The following KANK4 variants were observed in gnomAD, a reference collection of about 807,000 sequenced individuals.
The protein encoded by KANK4 is KN motif and ankyrin repeat domains 4, also known as KN motif and ankyrin repeat domain-containing protein 4.
KANK4 carries 50 observed loss-of-function variants against 80.8 expected under a neutral mutation model. The observed-to-expected ratio is 0.62, with a 90% CI of 0.49 to 0.78. The LOEUF is 0.78. Among genes scored for constraint, KANK4 ranks in the 30% least tolerant of loss-of-function variants. KANK4 has a pLI of 0.00. For missense variants in KANK4, 1,196 were observed against 1,240.1 expected (o/e 0.96, Z 0.53); for synonymous variants, 465 against 506.9 (o/e 0.92, Z 1.11).
At chr1:62,260,316 A>C (rs958981611) in intron 7 of KANK4, among the ~76,000 whole-genome samples, 5 of 148,862 alleles carry the variant, frequency 3.4e-5, no homozygotes, top group African/African-American at 1.2e-4. Flanking sequence ...GTCAGTCTCT[A>C]TCTCTTCCTT....
chr1:62,273,969 C>T lies in KANK4; in HGVS notation c.1135G>A (p.Ala379Thr), dbSNP rs757533237. ...AGCTCTCGAATTCTTTGCTCCCTAG[C>T]TTTGATTTCCTCTTCCTGCTGCTGG... ...ALQQQEEEIK[A>T]REQRIRELEF... The change falls in exon 3 of 10, where the codon GCT becomes ACT. Residue 379 changes from alanine (A) to threonine (T), a missense_variant. Physicochemically the swap from Ala to Thr is moderately conservative, Grantham distance 58. Transcript: ENST00000371153. 8.1e-6 allele frequency: 13 copies of T among 1,614,220 alleles called. No homozygotes were observed. In the Admixed American group the frequency reaches 1.7e-4, roughly 21 times the overall value.
intron 1 of KANK4, among the ~76,000 whole-genome samples, chr1:62,315,968 T>C (rs1397286470): frequency 1.3e-5 from 2 of 152,284 alleles, no homozygotes; most frequent in African/African-American, 4.8e-5. Flanking sequence ...CTCAATGCAG[T>C]TTCAAAGAAT....
rs1391942356 is a variant in KANK4, at chr1:62,319,335, C to T, written c.-300G>A. On this transcript the variant is annotated 5_prime_UTR_variant, in exon 1 of 10. Coordinates refer to ENST00000371153, the MANE Select transcript of KANK4 (RefSeq NM_181712.5). ...CCCCGGCGCACCCCTGCGGGCACACCCACCGCGGCGGATGCGGGACTGGCC... is the reference window on the plus strand; with the variant it reads ...CCCCGGCGCACCCCTGCGGGCACACTCACCGCGGCGGATGCGGGACTGGCC... 6.6e-6 allele frequency: 1 copy of T among 151,948 alleles called. No individual in the cohort carries two copies. The highest frequency in any genetic ancestry group is 1.5e-5 in the Non-Finnish European group (1 of 67,994). The allele number at this position is 151,948 out of a possible 1,614,324, so 9.4% of individuals were successfully genotyped here. A position where few individuals can be genotyped will look rare whatever the true frequency, so the allele number is the denominator to read the frequency against.
intron 1 of KANK4, among the ~76,000 whole-genome samples, chr1:62,311,387 A>T (rs1175531292): frequency 1.3e-5 from 2 of 152,104 alleles, no homozygotes; most frequent in Admixed American, 6.6e-5. Flanking sequence ...GGTGTCTGGC[A>T]CAAGTTCGAT....
At position 62,274,428 on chromosome 1, in the gene KANK4, C is replaced by G. The variant is rs757119605; in HGVS notation, c.676G>C (p.Glu226Gln). 2.2e-5 allele frequency: 35 copies of G among 1,614,234 alleles called. No homozygotes were observed. In the Admixed American group the frequency reaches 5.7e-4, roughly 26 times the overall value. ...SSPRASTRIP[E>Q]LVQEGAEPPE... ...GGCTCAGCTCCCTCCTGGACCAGCT[C>G]TGGAATCCGAGTTGATGCTCGTGGG... is the stretch of plus-strand genomic sequence containing the variant. The change falls in exon 3 of 10, where the codon GAG (glutamate) becomes CAG (glutamine). Residue 226 changes from glutamate to glutamine, a missense_variant. Around this residue, in one of 3 missense-constraint regions of KANK4, gnomAD observed 1,154 missense variants for 1,179.6 expected, o/e 0.98. Transcript: ENST00000371153.
Position 62,268,403 on chromosome 1 carries a change from C to T in KANK4, c.2115G>A (p.Lys705=). Residue 705 remains lysine, a synonymous_variant, in exon 5 of 10, where the codon AAG becomes AAA. Coordinates refer to ENST00000371153, the MANE Select transcript of KANK4 (RefSeq NM_181712.5). ...AEKKCDGPDH[K]HVKDAHLTCE... ...AGGTGAGATGGGCATCTTTGACATG[C>T]TTGTGATCTGGGCCGTCACACTTCT... is the stretch of plus-strand genomic sequence containing the variant. 1.2e-6 allele frequency: 2 copies of T among 1,614,048 alleles called. No individual in the cohort carries two copies. The highest frequency in any genetic ancestry group is 1.7e-6 in the Non-Finnish European group (2 of 1,180,016).
chr1:62,253,230 G>C lies in KANK4; in HGVS notation c.2540-21C>G, dbSNP rs753465407. On this transcript the variant is annotated intron_variant, in intron 7 of 9. Coordinates refer to ENST00000371153, the MANE Select transcript of KANK4 (RefSeq NM_181712.5). The stretch of plus-strand genomic sequence containing the variant: ...GACGCCTGCAAGAGAAGCAATGGGT[G>C]CTGCAAAGGCTCCTGAGGGGCCAGG... 3 of 1,588,992 alleles carry C rather than the reference G, an allele frequency of 1.9e-6. No individual in the cohort carries two copies. The African/African-American group carries it at 4.1e-5, about 22-fold the overall frequency.
intron 1 of KANK4, among the ~76,000 whole-genome samples, chr1:62,308,487 G>A: frequency 6.6e-6 from 1 of 152,048 alleles, no homozygotes. Context: ...CAGGAGCCTG[G>A]GCCAGGTGCT....
intron 7 of KANK4, among the ~76,000 whole-genome samples, chr1:62,254,065 G>T (rs1400835479): frequency 6.6e-6 from 1 of 152,154 alleles, no homozygotes; most frequent in Non-Finnish European, 1.5e-5. Context: ...CTTTCCAAGG[G>T]CCTAGGGGTC....
At chr1:62,241,641 A>C (rs1413129053) in intron 9 of KANK4, among the ~76,000 whole-genome samples, 1 of 152,222 alleles carries the variant, frequency 6.6e-6, no homozygotes, top group Non-Finnish European at 1.5e-5. Context: ...AACGGTATTC[A>C]TTCAAGCTGA....
chr1:62,251,078 T>C (rs1241525157), intron 8 of KANK4, among the ~76,000 whole-genome samples: 2 of 152,216 alleles, frequency 1.3e-5, no homozygotes, highest in Non-Finnish European at 2.9e-5. Context: ...GTGAACAGCC[T>C]TGGAAGCTGG....
rs11322195 is a variant in KANK4 at position 62,261,152 on chromosome 1, CTTT to C, written c.2539+1937_2539+1939del. On this transcript the variant is annotated intron_variant, in intron 7 of 9. Transcript: ENST00000371153. ...CAGTCCGGCACTACCCTCCCAATGG[CTTT>C]TTTTTTTTTTTTTTTTTTTGAGACA... Among the ~76,000 whole-genome samples the C allele has an allele frequency of 1.6e-3, 110 of 68,366 alleles. 1 individual carries two copies. Among genetic ancestry groups the C allele is most frequent in the African/African-American group, 4.3e-3 (84 of 19,332 alleles). The allele number at this position is 68,366 out of a possible 152,430, so 44.9% of individuals were successfully genotyped here.
At chr1:62,289,368 T>G (rs1487539824) in intron 1 of KANK4, among the ~76,000 whole-genome samples, 1 of 152,194 alleles carries the variant, frequency 6.6e-6, no homozygotes, top group Non-Finnish European at 1.5e-5. Context: ...TTAACCATGG[T>G]ACAGCAGACT....
intron 2 of KANK4, among the ~76,000 whole-genome samples, chr1:62,278,343 TCCTTCCTTCCTTCCTTCCTTCCTTCC>T (rs1672362837): frequency 3.5e-5 from 1 of 28,646 alleles, no homozygotes; most frequent in Non-Finnish European, 5.3e-5. Context: ...CTTCCTTCCT[TCCTTCCTTCCTTCCTTCCTTCCTTCC>T]TTCCTTCCTT....
intron 1 of KANK4, among the ~76,000 whole-genome samples, chr1:62,305,396 C>T (rs1372119539): frequency 6.6e-6 from 1 of 152,150 alleles, no homozygotes; most frequent in African/African-American, 2.4e-5. Context: ...GCAACCTCCG[C>T]TTCCCGGGTT....
chr1:62,252,888 T>C (rs886538402), intron 8 of KANK4, among the ~76,000 whole-genome samples, 179 bp downstream of exon 8: 2 of 152,248 alleles, frequency 1.3e-5, no homozygotes, highest in Non-Finnish European at 1.5e-5. Flanking sequence ...CCTGGCTGGG[T>C]CTCGGGAGCC....
chr1:62,313,273 A>G (rs925343960), intron 1 of KANK4, among the ~76,000 whole-genome samples: 1 of 152,228 alleles, frequency 6.6e-6, no homozygotes, highest in Non-Finnish European at 1.5e-5. Context: ...CCTGGAATGT[A>G]TCTCCCATGG....
At position 62,263,093 on chromosome 1, in the gene KANK4, T is replaced by C; in HGVS notation, c.2538A>G (p.Thr846=). Residue 846 remains threonine (T), a splice_region_variant and synonymous_variant, in exon 7 of 10, where the codon ACA becomes ACG. Transcript: ENST00000371153. Reference sequence around the variant, plus strand: ...TGTATGAATGCAACCACTTCTGACCTGTCTCCAGCAGCAGCTTCACGATGG... The same window carrying C: ...TGTATGAATGCAACCACTTCTGACCCGTCTCCAGCAGCAGCTTCACGATGG... ...NFSIVKLLLE[T]GVCNVDHQNK... is the part of the protein sequence containing the mutation. 2 of 1,608,796 alleles carry C rather than the reference T, an allele frequency of 1.2e-6. No individual in the cohort carries two copies. Among genetic ancestry groups the C allele is most frequent in the Non-Finnish European group, 1.7e-6 (2 of 1,175,928 alleles).
intron 9 of KANK4, among the ~76,000 whole-genome samples, chr1:62,242,642 A>G (rs1303911797): frequency 6.6e-6 from 1 of 152,138 alleles, no homozygotes; most frequent in African/African-American, 2.4e-5. Context: ...AATCTAGGGA[A>G]AGGGCCTGGC....
Sources: gnomAD v4.1 joint callset for allele counts (sites outside exome capture counted in the v4.1 genomes callset) on GRCh38, gnomAD v4.1.1 for gene constraint, gnomAD v4.1.1 regional missense constraint, MANE v1.5 for transcripts, NCBI Gene and HGNC (gene_info 2026-07-23, HGNC 2026-07-21) for gene names.